MAGI2: variants seen among roughly 807,000 people sequenced by gnomAD.
The protein encoded by MAGI2 is membrane-associated guanylate kinase, WW and PDZ domain-containing protein 2.
MAGI2 carries 35 observed loss-of-function variants against 133.3 expected under a neutral mutation model. That is an observed-to-expected ratio of 0.26 (90% confidence interval 0.20 to 0.35). The LOEUF (loss-of-function observed/expected upper bound fraction) is 0.35, where lower values mean the gene tolerates loss of function less well. Among genes scored for constraint, MAGI2 ranks in the 10% least tolerant of loss-of-function variants. The pLI is 1.00. For missense variants in MAGI2, 1,636 were observed against 1,863.4 expected (o/e 0.88, Z 2.25); for synonymous variants, 729 against 710.6 (o/e 1.03, Z -0.41).
chr7:78,917,616 T>A (rs1798900377), intron 2 of MAGI2, among the ~76,000 whole-genome samples: 1 of 152,102 alleles, frequency 6.6e-6, no homozygotes, highest in Non-Finnish European at 1.5e-5. Context: ...ATCCTGATGC[T>A]ATCTACCTAG....
chr7:78,524,191 T>A (rs550191947), intron 3 of MAGI2, among the ~76,000 whole-genome samples: 4 of 152,090 alleles, frequency 2.6e-5, no homozygotes, highest in Admixed American at 6.5e-5. Context: ...AGCCCTACCG[T>A]CCACTGATTT....
intron 2 of MAGI2, among the ~76,000 whole-genome samples, chr7:78,957,780 T>G (rs1301657573): frequency 2.0e-5 from 3 of 152,070 alleles, no homozygotes; most frequent in Non-Finnish European, 4.4e-5. Flanking sequence ...GGCTCCAGAG[T>G]TGGCATTCCT....
intron 21 of MAGI2, among the ~76,000 whole-genome samples, chr7:78,076,852 CAAAAAAAAAAAA>C (rs1242148618): frequency 2.4e-5 from 1 of 42,548 alleles, no homozygotes; most frequent in Non-Finnish European, 4.2e-5. Context: ...GACTCCGTCT[CAAAAAAAAAAAA>C]AAAAAAAAAA....
chr7:78,621,596 G>C (rs1466750474), intron 3 of MAGI2, among the ~76,000 whole-genome samples: 2 of 151,940 alleles, frequency 1.3e-5, no homozygotes, highest in East Asian at 3.9e-4. Context: ...TTCAGAATTG[G>C]GGGGTGGAAG....
chr7:78,183,421 A>G (rs1202543898), intron 13 of MAGI2, among the ~76,000 whole-genome samples: 1 of 151,244 alleles, frequency 6.6e-6, no homozygotes, highest in African/African-American at 2.4e-5. Flanking sequence ...AAGCACCACC[A>G]CGCCCAGCTA....
chr7:78,647,017 T>A (rs1280794291), intron 2 of MAGI2, among the ~76,000 whole-genome samples: 1 of 152,240 alleles, frequency 6.6e-6, no homozygotes, highest in Admixed American at 6.5e-5. Context: ...TAATTACATA[T>A]CAACACGTAA....
In MAGI2 at chr7:79,167,178, G is replaced by A. The variant is rs183398621; in HGVS notation, c.302-159972C>T. On this transcript the variant is annotated intron_variant, in intron 1 of 21. Transcript: ENST00000354212. ...TTTATATAATTTTGTGGGGGTTGAG[G>A]AAGGGTTCAAACTAGTTTCATGAGA... Among the ~76,000 whole-genome samples the A allele has an allele frequency of 5.3e-5, 8 of 151,908 alleles. No individual in the cohort carries two copies. The East Asian group carries it at 1.6e-3, about 30-fold the overall frequency.
At chr7:79,298,832 A>G (rs1374971266) in intron 1 of MAGI2, among the ~76,000 whole-genome samples, 1 of 152,192 alleles carries the variant, frequency 6.6e-6, no homozygotes, top group African/African-American at 2.4e-5. Context: ...GGAAACACAT[A>G]CATGCAGAGG....
chr7:78,366,315 AT>A (rs1216882660), intron 7 of MAGI2, among the ~76,000 whole-genome samples: 1 of 152,118 alleles, frequency 6.6e-6, no homozygotes, highest in Non-Finnish European at 1.5e-5. Flanking sequence ...GACAGTTTTT[AT>A]TTTATATTTA....
At chr7:78,308,914 C>A (rs774406544) in intron 9 of MAGI2, among the ~76,000 whole-genome samples, 1 of 152,122 alleles carries the variant, frequency 6.6e-6, no homozygotes. Context: ...CAGTACACTA[C>A]GTGTAACGTA....
At chr7:78,427,597 A>G (rs1799401402) in intron 6 of MAGI2, among the ~76,000 whole-genome samples, 1 of 151,742 alleles carries the variant, frequency 6.6e-6, no homozygotes, top group African/African-American at 2.4e-5. Context: ...AAAATAGACA[A>G]ATGTATAATC....
intron 1 of MAGI2, among the ~76,000 whole-genome samples, chr7:79,350,589 G>T (rs1360318103): frequency 2.0e-5 from 3 of 151,918 alleles, no homozygotes; most frequent in African/African-American, 7.3e-5. Flanking sequence ...AAAAATAAAG[G>T]AATGAACACT....
At chr7:79,435,777 T>C (rs1252892878) in intron 1 of MAGI2, among the ~76,000 whole-genome samples, 1 of 152,070 alleles carries the variant, frequency 6.6e-6, no homozygotes, top group African/African-American at 2.4e-5. Context: ...AAAATTCATC[T>C]GAAACCAAAA....
chr7:78,591,925 T>C (rs1051719611), intron 3 of MAGI2, among the ~76,000 whole-genome samples: 3 of 152,206 alleles, frequency 2.0e-5, no homozygotes, highest in African/African-American at 7.2e-5. Context: ...AGAAGACTCT[T>C]GAAAACTTTT....
At chr7:79,301,515 C>G (rs1429798088) in intron 1 of MAGI2, among the ~76,000 whole-genome samples, 1 of 152,128 alleles carries the variant, frequency 6.6e-6, no homozygotes, top group African/African-American at 2.4e-5. Context: ...AAATGTTTAC[C>G]CAATGCCTGT....
intron 2 of MAGI2, among the ~76,000 whole-genome samples, chr7:78,944,734 T>TTTAC (rs1243587644): frequency 1.2e-4 from 18 of 150,862 alleles, no homozygotes; most frequent in Non-Finnish European, 2.1e-4. Context: ...TATTTATTTA[T>TTTAC]TTATTTACTT....
chr7:78,626,174 A>G (rs945065027), intron 3 of MAGI2, among the ~76,000 whole-genome samples: 1 of 152,166 alleles, frequency 6.6e-6, no homozygotes, highest in Non-Finnish European at 1.5e-5. Flanking sequence ...AATAAAACTA[A>G]TCTTTCAACT....
intron 2 of MAGI2, among the ~76,000 whole-genome samples, chr7:78,705,691 T>C (rs1014735190): frequency 1.3e-5 from 2 of 152,114 alleles, no homozygotes; most frequent in East Asian, 3.9e-4. Context: ...TGTAGGCCAA[T>C]ATTTTCTGGG....
At chr7:78,733,885 C>A (rs1338765007) in intron 2 of MAGI2, among the ~76,000 whole-genome samples, 4 of 152,124 alleles carry the variant, frequency 2.6e-5, no homozygotes, top group African/African-American at 4.8e-5. Context: ...GTATTTAATA[C>A]AATGCCCCAA....
Sources: allele counts gnomAD v4.1 joint callset (sites outside exome capture counted in the v4.1 genomes callset), GRCh38; gene constraint gnomAD v4.1.1; transcripts MANE v1.5; gene names NCBI Gene and HGNC (gene_info 2026-07-23, HGNC 2026-07-21).